Variants in MYO9A observed in about 807,000 individuals in gnomAD.
MYO9A encodes unconventional myosin-IXa.
In MYO9A, 103 loss-of-function variants were observed where a neutral mutation model predicts 293.3. That is an observed-to-expected ratio of 0.35 (90% confidence interval 0.30 to 0.41). The LOEUF (loss-of-function observed/expected upper bound fraction) is 0.41, where lower values mean the gene tolerates loss of function less well. Ranked by LOEUF, MYO9A falls within the 10% of genes least tolerant of loss-of-function variation. The pLI, the probability that MYO9A is intolerant of heterozygous loss-of-function variation, is 1.00. For synonymous variants in MYO9A, 1,001 were observed against 1,035.7 expected, an observed-to-expected ratio of 0.97 and a Z score of 0.64; for missense variants, 2,685 against 3,033.0, an observed-to-expected ratio of 0.89 and a Z score of 2.69.
chr15:71,937,299 G>A (rs2058667696), intron 16 of MYO9A, among the ~76,000 whole-genome samples: 1 of 152,036 alleles, frequency 6.6e-6, no homozygotes, highest in South Asian at 2.1e-4. Flanking sequence ...GATGCTACAG[G>A]GAAATCTTTC....
At chr15:71,906,872 T>C (rs1227015488) in intron 19 of MYO9A, among the ~76,000 whole-genome samples, 3 of 147,808 alleles carry the variant, frequency 2.0e-5, no homozygotes, top group Admixed American at 6.9e-5. Context: ...CACGCCATTC[T>C]CCTGCCTCAG....
At chr15:72,005,750 A>G (rs1168019270) in intron 8 of MYO9A, among the ~76,000 whole-genome samples, 2 of 152,222 alleles carry the variant, frequency 1.3e-5, no homozygotes, top group African/African-American at 4.8e-5. Flanking sequence ...ATTGCTCTCA[A>G]AGAGCACTGG....
At chr15:71,981,970 T>C (rs1048717347) in intron 11 of MYO9A, among the ~76,000 whole-genome samples, 2 of 150,096 alleles carry the variant, frequency 1.3e-5, no homozygotes, top group African/African-American at 4.9e-5. Flanking sequence ...AGGTACAATA[T>C]ATTTTCTAAT....
intron 25 of MYO9A, chr15:71,897,242 G>T: frequency 1.9e-6 from 1 of 536,998 alleles, no homozygotes. Flanking sequence ...GAGGAACCCA[G>T]TATTTACTCT....
chr15:71,862,368 G>C lies in MYO9A; in HGVS notation c.6091+132C>G, dbSNP rs192625660. On this transcript the variant is annotated intron_variant, in intron 33 of 41. Transcript: ENST00000356056. ...TAGAGACAAAGAGTAGGTGAAGAGA[G>C]TATAGCAAGAGATGAGGTTAAAAAT... The C allele has an allele frequency of 2.0e-4, 135 of 681,348 alleles. No individual in the cohort carries two copies. The African/African-American group carries it at 2.1e-3, about 10-fold the overall frequency. 42.2% of individuals were successfully genotyped at this position (681,348 alleles called of 1,614,324 possible). A position where few individuals can be genotyped will look rare whatever the true frequency, so the allele number is the denominator to read the frequency against.
intron 20 of MYO9A, 95 bp downstream of exon 20, chr15:71,904,830 GT>G (rs2057584250): frequency 4.0e-6 from 3 of 748,012 alleles, no homozygotes; most frequent in Non-Finnish European, 6.3e-6. Flanking sequence ...AAATATTATA[GT>G]TAGTGCTTCC....
At chr15:71,827,111 T>C in intron 41 of MYO9A, 68 bp from the exon 42 acceptor site, 1 of 1,175,130 alleles carries the variant, frequency 8.5e-7, no homozygotes, top group Non-Finnish European at 1.2e-6. Flanking sequence ...ATATAATGAA[T>C]AGATGCCACT....
At chr15:71,845,176 C>T (rs1047349816) in intron 39 of MYO9A, among the ~76,000 whole-genome samples, 2 of 151,806 alleles carry the variant, frequency 1.3e-5, no homozygotes, top group Non-Finnish European at 2.9e-5. Flanking sequence ...TTATCCAAGG[C>T]TTTTTTTTGA....
At chr15:72,116,850 TATA>T (rs1432652649) in intron 1 of MYO9A, 1 of 152,042 alleles carries the variant, frequency 6.6e-6, no homozygotes, top group Admixed American at 6.6e-5. Flanking sequence ...TCTGTGACCT[TATA>T]ATGGCACACA....
At chr15:71,901,476 T>C in intron 22 of MYO9A, 136 bp from the exon 23 acceptor site, 1 of 870,662 alleles carries the variant, frequency 1.1e-6, no homozygotes, top group South Asian at 1.8e-5. Flanking sequence ...TACTGATAAA[T>C]ATTCCTACAG....
At chr15:71,877,172 C>T (rs940532918) in intron 31 of MYO9A, among the ~76,000 whole-genome samples, 1 of 152,106 alleles carries the variant, frequency 6.6e-6, no homozygotes, top group African/African-American at 2.4e-5. Context: ...ACATTGATAA[C>T]TTTGTCTAAG....
At chr15:71,885,896 T>C (rs1346629969) in intron 27 of MYO9A, among the ~76,000 whole-genome samples, 2 of 152,134 alleles carry the variant, frequency 1.3e-5, no homozygotes, top group Non-Finnish European at 2.9e-5. Context: ...TTCTGAGATA[T>C]GTCCTCAAAT....
At chr15:71,865,532 A>G (rs2056293344) in intron 32 of MYO9A, among the ~76,000 whole-genome samples, 1 of 152,194 alleles carries the variant, frequency 6.6e-6, no homozygotes. Flanking sequence ...CATTATGCTA[A>G]GTGAGAGAAG....
rs772667985 is a variant in MYO9A at position 71,880,410 on chromosome 15, A to T, written c.5547T>A (p.His1849Gln). The T allele has an allele frequency of 6.2e-7, 1 of 1,614,192 alleles. No individual in the cohort carries two copies. The highest frequency in any genetic ancestry group is 1.7e-5 in the Admixed American group (1 of 60,024). The change falls in exon 29 of 42, where the codon CAT becomes CAA. Residue 1849 changes from histidine to glutamine, a missense_variant. By Grantham distance (24) the His-to-Gln change is conservative. This residue lies in a region of MYO9A where 1,434 missense variants were observed against 1,497.7 expected (regional missense o/e 0.96). Coordinates refer to ENST00000356056, the MANE Select transcript of MYO9A (RefSeq NM_006901.4). ...KISNVALDSM[H>Q]WQNDSVQIIA... Reference sequence around the variant, plus strand: ...TGATCTGGACAGAGTCATTTTGCCAATGCATAGAATCCAAAGCCACGTTGC... The same window carrying T: ...TGATCTGGACAGAGTCATTTTGCCATTGCATAGAATCCAAAGCCACGTTGC...
chr15:72,080,454 T>C (rs577822735), intron 1 of MYO9A, among the ~76,000 whole-genome samples: 1 of 151,918 alleles, frequency 6.6e-6, no homozygotes, highest in African/African-American at 2.4e-5. Flanking sequence ...AGGAGAGAAG[T>C]GTCCACCAAC....
chr15:72,074,951 CTTTTTT>C (rs750462703), intron 1 of MYO9A, among the ~76,000 whole-genome samples: 17 of 53,128 alleles, frequency 3.2e-4, no homozygotes, highest in African/African-American at 8.8e-4. Flanking sequence ...TTTTCACTGC[CTTTTTT>C]TTTTTTTTTT....
chr15:71,897,296 C>T, intron 25 of MYO9A, 165 bp downstream of exon 25: 2 of 725,660 alleles, frequency 2.8e-6, no homozygotes, highest in East Asian at 2.5e-5. Context: ...TAACTACATC[C>T]AACTTCAGGT....
chr15:71,968,133 A>T lies in MYO9A; in HGVS notation c.1845-8T>A, dbSNP rs201411984. ...TTTGTAGCCTGTGGAAAGCTGAATT[A>T]AAAAAAAAAGAAAAAATATCATTAC... On this transcript the variant is annotated splice_region_variant and splice_polypyrimidine_tract_variant and intron_variant, in intron 12 of 41. Transcript: ENST00000356056. 208 of 1,201,050 alleles carry T rather than the reference A, an allele frequency of 1.7e-4. No individual in the cohort carries two copies. Among genetic ancestry groups the T allele is most frequent in the African/African-American group, 1.2e-3 (74 of 63,896 alleles). 74.4% of individuals were successfully genotyped at this position (1,201,050 alleles called of 1,614,324 possible). A position where few individuals can be genotyped will look rare whatever the true frequency, so the allele number is the denominator to read the frequency against.
intron 1 of MYO9A, among the ~76,000 whole-genome samples, chr15:72,100,961 A>T (rs2080276402): frequency 8.9e-6 from 1 of 112,872 alleles, no homozygotes. Flanking sequence ...CGCGTCCCGG[A>T]GGGAGGTGGG....
Sources: gnomAD v4.1 joint callset for allele counts (sites outside exome capture counted in the v4.1 genomes callset) on GRCh38, gnomAD v4.1.1 for gene constraint, gnomAD v4.1.1 regional missense constraint, MANE v1.5 for transcripts, NCBI Gene and HGNC (gene_info 2026-07-23, HGNC 2026-07-21) for gene names.